GABARAPL1: variants seen among roughly 807,000 people sequenced by gnomAD.
GABARAPL1 encodes GABA type A receptor associated protein like 1.
GABARAPL1 carries 4 observed loss-of-function variants against 14.5 expected under a neutral mutation model. That is an observed-to-expected ratio of 0.28 (90% confidence interval 0.14 to 0.63). GABARAPL1 has a LOEUF of 0.63. GABARAPL1 is among the 30% of genes least tolerant of loss of function. GABARAPL1 has a pLI of 0.84. For missense variants in GABARAPL1, 82 were observed against 139.2 expected, an observed-to-expected ratio of 0.59 and a Z score of 2.07; for synonymous variants, 47 against 50.6, an observed-to-expected ratio of 0.93 and a Z score of 0.30.
chr12:10,220,354 A>G (rs1949113508), intron 2 of GABARAPL1, 86 bp from the exon 3 acceptor site: 6 of 1,581,516 alleles, frequency 3.8e-6, no homozygotes, highest in Non-Finnish European at 5.2e-6. Flanking sequence ...AAAAAATGCA[A>G]TTGAATTTTT....
Position 10,218,092 on chromosome 12 carries a change from G to A in GABARAPL1, c.120G>A (p.Arg40=), listed in dbSNP as rs780050909. ...PVIVEKAPKA[R]VPDLDKRKYL... is the part of the protein sequence containing the mutation. ...TTGTAGAGAAGGCTCCAAAAGCCAG[G>A]GTGCCTGATCTGGACAAGAGGAAGT... The change falls in exon 2 of 4, where the codon AGG becomes AGA. Residue 40 remains arginine, a synonymous_variant. Coordinates refer to ENST00000266458, the MANE Select transcript of GABARAPL1 (RefSeq NM_031412.4). 3.7e-6 allele frequency: 6 copies of A among 1,610,854 alleles called. No individual in the cohort carries two copies. Among genetic ancestry groups the A allele is most frequent in the East Asian group, 4.5e-5 (2 of 44,876 alleles).
intron 3 of GABARAPL1, chr12:10,221,195 A>G: frequency 1.0e-6 from 1 of 976,558 alleles, no homozygotes; most frequent in Non-Finnish European, 1.2e-6. Context: ...ATGAAATATA[A>G]AATTAAGGCA....
chr12:10,212,907 C>A lies in GABARAPL1; in HGVS notation c.-223C>A. 1 of 490,348 alleles carries A rather than the reference C, an allele frequency of 2.0e-6. No individual in the cohort carries two copies. Among genetic ancestry groups the A allele is most frequent in the Non-Finnish European group, 3.7e-6 (1 of 271,980 alleles). The allele number at this position is 490,348 out of a possible 1,614,324, so 30.4% of individuals were successfully genotyped here. A position where few individuals can be genotyped will look rare whatever the true frequency, so the allele number is the denominator to read the frequency against. On this transcript the variant is annotated 5_prime_UTR_variant, in exon 1 of 4. Transcript: ENST00000266458. ...TGTGCTCCCAGCTCTAGCGAAAAGC[C>A]GCCGGTATTTCTCCATCTGGCTCTC... is the stretch of plus-strand genomic sequence containing the variant.
chr12:10,221,436 A>C (rs894133777), intron 3 of GABARAPL1: 4 of 943,416 alleles, frequency 4.2e-6, no homozygotes, highest in Non-Finnish European at 3.8e-6. Context: ...ATAATCCTGA[A>C]TCTTTTTTTG....
chr12:10,213,390 A>G (rs1324501801), intron 1 of GABARAPL1, 171 bp downstream of exon 1: 2 of 688,140 alleles, frequency 2.9e-6, no homozygotes, highest in East Asian at 2.8e-5. Flanking sequence ...TCCAGACTGT[A>G]GAGCTTTTAA....
At position 10,222,744 on chromosome 12, in the gene GABARAPL1, G is replaced by A. The variant is rs1287814995; in HGVS notation, c.*892G>A. On this transcript the variant is annotated 3_prime_UTR_variant, in exon 4 of 4. Transcript: ENST00000266458. ...AGGGAGGGGGCAAGTATGAAGTAAG[G>A]TAATTATATACTACTCTCATTCAGG... is the stretch of plus-strand genomic sequence containing the variant. 1 of 152,140 alleles carries A rather than the reference G, an allele frequency of 6.6e-6. No homozygotes were observed. The highest frequency in any genetic ancestry group is 2.4e-5 in the African/African-American group (1 of 41,406). The allele number at this position is 152,140 out of a possible 1,614,324, so 9.4% of individuals were successfully genotyped here. A position where few individuals can be genotyped will look rare whatever the true frequency, so the allele number is the denominator to read the frequency against.
chr12:10,221,751 A>G, intron 3 of GABARAPL1, 36 bp from the exon 4 acceptor site: 1 of 1,610,932 alleles, frequency 6.2e-7, no homozygotes, highest in African/African-American at 1.3e-5. Flanking sequence ...ATGAATGAAT[A>G]TGTTTTCTAA....
intron 2 of GABARAPL1, 65 bp from the exon 3 acceptor site, chr12:10,220,375 T>TA (rs1465315483): frequency 6.2e-7 from 1 of 1,604,960 alleles, no homozygotes; most frequent in Non-Finnish European, 8.5e-7. Flanking sequence ...TTCCAGGACT[T>TA]ACCCTTCTAC....
chr12:10,222,227 C>T lies in GABARAPL1; in HGVS notation c.*375C>T, dbSNP rs937234840. ...GCAGCAACTCCCTGTGCTCCCTTCT[C>T]TTTGGGCAGAGATTCTATTTTTGAC... On this transcript the variant is annotated 3_prime_UTR_variant, in exon 4 of 4. Coordinates refer to ENST00000266458, the MANE Select transcript of GABARAPL1 (RefSeq NM_031412.4). 1 of 221,178 alleles carries T rather than the reference C, an allele frequency of 4.5e-6. No homozygotes were observed. The allele number at this position is 221,178 out of a possible 1,614,324, so 13.7% of individuals were successfully genotyped here. A position where few individuals can be genotyped will look rare whatever the true frequency, so the allele number is the denominator to read the frequency against.
In GABARAPL1 at chr12:10,213,096, C is replaced by G. The variant is rs1313072797; in HGVS notation, c.-34C>G. 1 of 1,393,466 alleles carries G rather than the reference C, an allele frequency of 7.2e-7. No homozygotes were observed. The highest frequency in any genetic ancestry group is 1.4e-5 in the African/African-American group (1 of 71,126). The allele number at this position is 1,393,466 out of a possible 1,614,324, so 86.3% of individuals were successfully genotyped here. On this transcript the variant is annotated 5_prime_UTR_variant, in exon 1 of 4. Coordinates refer to ENST00000266458, the MANE Select transcript of GABARAPL1 (RefSeq NM_031412.4). ...GGGTCAGCGGCGAAGGAGGCAGGCC[C>G]CGCGCGGGGATCTCGGAAGCCCTGC... is the stretch of plus-strand genomic sequence containing the variant.
At position 10,218,044 on chromosome 12, in the gene GABARAPL1, TCTC is replaced by T. The variant is rs753793650; in HGVS notation, c.91-12_91-10del. ...TGCCTTCTGTAGTTTTCATTCCTAC[TCTC>T]CTCCTCTTCTTCCAGGTGATTGTAG... On this transcript the variant is annotated splice_polypyrimidine_tract_variant and intron_variant, in intron 1 of 3. Transcript: ENST00000266458. 2.3e-5 allele frequency: 35 copies of T among 1,498,008 alleles called. No homozygotes were observed. Among genetic ancestry groups the T allele is most frequent in the Middle Eastern group, 1.7e-4 (1 of 5,860 alleles). The allele number at this position is 1,498,008 out of a possible 1,614,324, so 92.8% of individuals were successfully genotyped here. A position where few individuals can be genotyped will look rare whatever the true frequency, so the allele number is the denominator to read the frequency against.
At chr12:10,213,984 A>T in intron 1 of GABARAPL1, 7 of 421,764 alleles carry the variant, frequency 1.7e-5, no homozygotes, top group South Asian at 1.1e-4. Flanking sequence ...AGTGAGTAGG[A>T]ACAGAAAAGT....
Position 10,221,438 on chromosome 12 carries a change from CTT to C in GABARAPL1, c.289-343_289-342del, listed in dbSNP as rs908129606. ...ACGTAAACTTCTAATAATCCTGAAT[CTT>C]TTTTTGCATAGCATATATTCCCTGT... On this transcript the variant is annotated intron_variant, in intron 3 of 3. Coordinates refer to ENST00000266458, the MANE Select transcript of GABARAPL1 (RefSeq NM_031412.4). 36 of 938,336 alleles carry C rather than the reference CTT, an allele frequency of 3.8e-5. No homozygotes were observed. The African/African-American group carries it at 5.8e-4, about 15-fold the overall frequency. The allele number at this position is 938,336 out of a possible 1,614,324, so 58.1% of individuals were successfully genotyped here. A position where few individuals can be genotyped will look rare whatever the true frequency, so the allele number is the denominator to read the frequency against.
At position 10,220,710 on chromosome 12, in the gene GABARAPL1, G is replaced by A. The variant is rs1329013373; in HGVS notation, c.288+152G>A. ...CTTACATATGGCAGTGTAAGGCTCT[G>A]AGAGATTAGATACCTCTTGTTTTTT... On this transcript the variant is annotated intron_variant, in intron 3 of 3. Coordinates refer to ENST00000266458, the MANE Select transcript of GABARAPL1 (RefSeq NM_031412.4). 1.1e-5 allele frequency: 17 copies of A among 1,537,782 alleles called. No individual in the cohort carries two copies. The South Asian group carries it at 1.8e-4, about 16-fold the overall frequency.
rs2302487 is a variant in GABARAPL1, at chr12:10,212,943, A to G, written c.-187A>G. The G allele has an allele frequency of 5.2e-6, 3 of 578,008 alleles. No homozygotes were observed. The East Asian group carries it at 9.0e-5, about 17-fold the overall frequency. The allele number at this position is 578,008 out of a possible 1,614,324, so 35.8% of individuals were successfully genotyped here. ...CTCCATCTGGCTCTCCTCTACCTCC[A>G]GGCAGGCTCACCCGAGATCCCCGCC... On this transcript the variant is annotated 5_prime_UTR_variant, in exon 1 of 4. Coordinates refer to ENST00000266458, the MANE Select transcript of GABARAPL1 (RefSeq NM_031412.4).
At chr12:10,214,552 G>C (rs1459508383) in intron 1 of GABARAPL1, 1 of 152,122 alleles carries the variant, frequency 6.6e-6, no homozygotes, top group Non-Finnish European at 1.5e-5. Flanking sequence ...CCAATCTTTT[G>C]AGCAATGATA....
chr12:10,217,926 G>C (rs1229648325), intron 1 of GABARAPL1, 137 bp from the exon 2 acceptor site: 1 of 631,530 alleles, frequency 1.6e-6, no homozygotes, highest in African/African-American at 1.8e-5. Flanking sequence ...AGGGGTGGGG[G>C]GATAAGAAAT....
rs1949122500 is a variant in GABARAPL1, at chr12:10,221,979, T to C, written c.*127T>C. 1 of 755,430 alleles carries C rather than the reference T, an allele frequency of 1.3e-6. No individual in the cohort carries two copies. The highest frequency in any genetic ancestry group is 1.7e-5 in the African/African-American group (1 of 58,252). The allele number at this position is 755,430 out of a possible 1,614,324, so 46.8% of individuals were successfully genotyped here. On this transcript the variant is annotated 3_prime_UTR_variant, in exon 4 of 4. Transcript: ENST00000266458. ...CAGAAGGTGAAGACATCTAGAAACA[T>C]TACACCACACACACCGTCATCACAT...
intron 1 of GABARAPL1, chr12:10,214,127 C>T (rs1267973286): frequency 1.7e-5 from 4 of 229,642 alleles, no homozygotes; most frequent in Non-Finnish European, 3.7e-5. Flanking sequence ...GGGGGACCAG[C>T]AGCTGTTGGA....
Sources: allele counts gnomAD v4.1 joint callset, GRCh38; gene constraint gnomAD v4.1.1; transcripts MANE v1.5; gene names NCBI Gene and HGNC (gene_info 2026-07-23, HGNC 2026-07-21).